The following EPHB2 variants were observed in gnomAD, a reference collection of about 807,000 sequenced individuals.
The protein encoded by EPHB2 is ephrin type-B receptor 2.
In EPHB2, 18 loss-of-function variants were observed where a neutral mutation model predicts 96.4. The ratio of observed to expected loss-of-function variants is 0.19; its 90% CI spans 0.13 to 0.28. The LOEUF is 0.28. EPHB2 is among the 10% of genes least tolerant of loss of function. The pLI is 1.00. For missense variants in EPHB2, 989 were observed against 1,355.4 expected, an observed-to-expected ratio of 0.73 and a Z score of 4.25; for synonymous variants, 506 against 534.1, an observed-to-expected ratio of 0.95 and a Z score of 0.72.
chr1:22,779,587 C>T (rs1644500081), intron 1 of EPHB2, among the ~76,000 whole-genome samples: 1 of 152,208 alleles, frequency 6.6e-6, no homozygotes, highest in Admixed American at 6.5e-5. Flanking sequence ...GCCCCAGTCT[C>T]CTGGTCCTTG....
chr1:22,825,139 C>T (rs1259384923), intron 3 of EPHB2, among the ~76,000 whole-genome samples: 1 of 152,246 alleles, frequency 6.6e-6, no homozygotes, highest in African/African-American at 2.4e-5. Context: ...TCAGGTAAAC[C>T]TGGATTCCTG....
At chr1:22,713,316 A>G (rs1643206904) in intron 1 of EPHB2, among the ~76,000 whole-genome samples, 2 of 152,116 alleles carry the variant, frequency 1.3e-5, no homozygotes, top group Admixed American at 6.5e-5. Flanking sequence ...CTCATTTACT[A>G]TGGGACCCTG....
At chr1:22,810,617 T>G (rs1458812282) in intron 3 of EPHB2, among the ~76,000 whole-genome samples, 4 of 152,258 alleles carry the variant, frequency 2.6e-5, no homozygotes, top group African/African-American at 9.6e-5. Flanking sequence ...AGTTTCCCAG[T>G]GGGTGGGGAT....
At chr1:22,770,802 T>C (rs911547331) in intron 1 of EPHB2, among the ~76,000 whole-genome samples, 2 of 151,876 alleles carry the variant, frequency 1.3e-5, no homozygotes, top group African/African-American at 4.8e-5. Flanking sequence ...TGGATACATA[T>C]GTGAGATACT....
chr1:22,711,726 G>A (rs1225473065), intron 1 of EPHB2, among the ~76,000 whole-genome samples: 1 of 152,094 alleles, frequency 6.6e-6, no homozygotes, highest in African/African-American at 2.4e-5. Context: ...CCACCGCCCC[G>A]CGGCCGCGGC....
intron 1 of EPHB2, among the ~76,000 whole-genome samples, chr1:22,754,820 G>GT (rs1644118648): frequency 5.6e-4 from 4 of 7,092 alleles, no homozygotes; most frequent in South Asian, 5.2e-3. Flanking sequence ...GCAGGGGAAG[G>GT]GAGGTGAGGG....
At chr1:22,747,787 G>C (rs1022079031) in intron 1 of EPHB2, among the ~76,000 whole-genome samples, 2 of 152,232 alleles carry the variant, frequency 1.3e-5, no homozygotes, top group Non-Finnish European at 2.9e-5. Flanking sequence ...AGAACCCATC[G>C]TGCTGTAGAG....
chr1:22,782,068 C>T (rs866865022), intron 2 of EPHB2, among the ~76,000 whole-genome samples: 2 of 152,106 alleles, frequency 1.3e-5, no homozygotes, highest in Non-Finnish European at 2.9e-5. Flanking sequence ...ATGCTGTGAG[C>T]TCTCCAAGAG....
intron 1 of EPHB2, among the ~76,000 whole-genome samples, chr1:22,745,211 A>G (rs1486971323): frequency 1.3e-5 from 2 of 152,258 alleles, no homozygotes; most frequent in African/African-American, 4.8e-5. Context: ...AGAATGAGCA[A>G]ATAAATTGTG....
intron 3 of EPHB2, among the ~76,000 whole-genome samples, chr1:22,855,577 T>C (rs1367517829): frequency 2.6e-5 from 4 of 152,236 alleles, no homozygotes; most frequent in Non-Finnish European, 2.9e-5. Context: ...TCTCCCTAAC[T>C]AGACCTGAAC....
chr1:22,910,365 C>T lies in EPHB2; in HGVS notation c.2503-17C>T. 2 of 1,614,206 alleles carry T rather than the reference C, an allele frequency of 1.2e-6. No individual in the cohort carries two copies. Among genetic ancestry groups the T allele is most frequent in the Admixed American group, 1.7e-5 (1 of 60,034 alleles). On this transcript the variant is annotated splice_polypyrimidine_tract_variant and intron_variant, in intron 13 of 15. Transcript: ENST00000374630. ...AGCCCATCCACCCAACCCCACTGCA[C>T]TCCTGCATTGTCCCAGGTAATCAAT... is the stretch of plus-strand genomic sequence containing the variant.
chr1:22,856,996 A>G (rs927104406), intron 3 of EPHB2, among the ~76,000 whole-genome samples: 1 of 152,154 alleles, frequency 6.6e-6, no homozygotes, highest in Admixed American at 6.5e-5. Flanking sequence ...CTGAACACCT[A>G]CCATGTGCCA....
intron 3 of EPHB2, among the ~76,000 whole-genome samples, chr1:22,797,623 T>A (rs1264418853): frequency 6.6e-6 from 1 of 152,010 alleles, no homozygotes; most frequent in Non-Finnish European, 1.5e-5. Flanking sequence ...CACTCCACTG[T>A]CTCCTGGCCG....
intron 1 of EPHB2, among the ~76,000 whole-genome samples, chr1:22,780,535 C>G (rs1644513894): frequency 1.3e-5 from 2 of 152,146 alleles, no homozygotes. Context: ...GGAGAGTGTC[C>G]TGACAAGATG....
chr1:22,897,467 A>T (rs1570453837), intron 9 of EPHB2, among the ~76,000 whole-genome samples: 1 of 152,062 alleles, frequency 6.6e-6, no homozygotes, highest in Admixed American at 6.6e-5. Flanking sequence ...TATGCCAGGC[A>T]CTGTTCTAGG....
At chr1:22,770,085 A>AGATG (rs890204164) in intron 1 of EPHB2, among the ~76,000 whole-genome samples, 1 of 152,056 alleles carries the variant, frequency 6.6e-6, no homozygotes, top group African/African-American at 2.4e-5. Flanking sequence ...TTTGACGAAT[A>AGATG]GATGGATGGA....
chr1:22,896,496 C>A lies in EPHB2; in HGVS notation c.1765+18C>A, dbSNP rs146789344. ...TGGCCACAGTATGTACACACCCAAGCGGGCTGGAACCCTTGGGCCCTTCAC... is the reference window on the plus strand; with the variant it reads ...TGGCCACAGTATGTACACACCCAAGAGGGCTGGAACCCTTGGGCCCTTCAC... On this transcript the variant is annotated intron_variant, in intron 9 of 15. Coordinates refer to ENST00000374630, the MANE Select transcript of EPHB2 (RefSeq NM_017449.5). 1 of 1,614,040 alleles carries A rather than the reference C, an allele frequency of 6.2e-7. No homozygotes were observed. Among genetic ancestry groups the A allele is most frequent in the Non-Finnish European group, 8.5e-7 (1 of 1,179,976 alleles).
chr1:22,786,243 T>A (rs1043556820), intron 3 of EPHB2, among the ~76,000 whole-genome samples: 1 of 152,142 alleles, frequency 6.6e-6, no homozygotes, highest in South Asian at 2.1e-4. Context: ...AAAGTACTTG[T>A]AATGGTTTCC....
Position 22,910,420 on chromosome 1 carries a change from G to T in EPHB2, c.2541G>T (p.Pro847=). Residue 847 remains proline (P), a synonymous_variant, in exon 14 of 16, where the codon CCG becomes CCT. Transcript: ENST00000374630. ...TTGAGCAGGACTATCGGCTGCCACC[G>T]CCCATGGACTGCCCGAGCGCCCTGC... ...NAIEQDYRLP[P]PMDCPSALHQ... is the part of the protein sequence containing the mutation. 2 of 1,614,172 alleles carry T rather than the reference G, an allele frequency of 1.2e-6. No individual in the cohort carries two copies. Among genetic ancestry groups the T allele is most frequent in the Non-Finnish European group, 1.7e-6 (2 of 1,180,018 alleles).
Sources: gnomAD v4.1 joint callset for allele counts (sites outside exome capture counted in the v4.1 genomes callset) on GRCh38, gnomAD v4.1.1 for gene constraint, MANE v1.5 for transcripts, NCBI Gene and HGNC (gene_info 2026-07-23, HGNC 2026-07-21) for gene names.